SYNPR: variants seen among roughly 807,000 people sequenced by gnomAD.
The protein encoded by SYNPR is synaptoporin.
Under a neutral mutation model 32.9 loss-of-function variants are expected in SYNPR, and 23 were observed. That is an observed-to-expected ratio of 0.70 (90% CI 0.50 to 0.99). The LOEUF (loss-of-function observed/expected upper bound fraction) is 0.99, where lower values mean the gene tolerates loss of function less well. Ranked by LOEUF, SYNPR falls within the 50% of genes least tolerant of loss-of-function variation. The pLI, the probability that SYNPR is intolerant of heterozygous loss-of-function variation, is 0.00. For synonymous variants in SYNPR, 146 were observed against 135.9 expected, an observed-to-expected ratio of 1.07 and a Z score of -0.52; for missense variants, 318 against 349.3, an observed-to-expected ratio of 0.91 and a Z score of 0.71.
intron 2 of SYNPR, among the ~76,000 whole-genome samples, chr3:63,404,247 T>A (rs1192905686): frequency 2.0e-5 from 3 of 152,184 alleles, no homozygotes; most frequent in Non-Finnish European, 4.4e-5. Context: ...AATAGCTGGA[T>A]CCACATCTAG....
chr3:63,292,150 T>G (rs1283465964), intron 2 of SYNPR, among the ~76,000 whole-genome samples: 1 of 152,222 alleles, frequency 6.6e-6, no homozygotes, highest in Non-Finnish European at 1.5e-5. Flanking sequence ...CATCATCATA[T>G]ATGTGGTTGG....
intron 2 of SYNPR, 86 bp from the exon 3 acceptor site, chr3:63,480,746 C>T (rs1701030801): frequency 1.3e-6 from 2 of 1,496,122 alleles, no homozygotes; most frequent in African/African-American, 1.4e-5. Flanking sequence ...TTCCCTCAAT[C>T]CAGACATTAA....
intron 4 of SYNPR, among the ~76,000 whole-genome samples, chr3:63,606,981 G>A (rs1457311801): frequency 6.6e-6 from 1 of 152,082 alleles, no homozygotes; most frequent in Non-Finnish European, 1.5e-5. Context: ...CTCAATAAAT[G>A]TTACATATGA....
At chr3:63,303,487 G>C (rs2086878181) in intron 2 of SYNPR, among the ~76,000 whole-genome samples, 1 of 151,998 alleles carries the variant, frequency 6.6e-6, no homozygotes, top group Non-Finnish European at 1.5e-5. Context: ...TGTGAACCAT[G>C]TGTATGAATA....
At chr3:63,335,352 CAAAAAAAAAA>C (rs35394118) in intron 2 of SYNPR, among the ~76,000 whole-genome samples, 2 of 84,954 alleles carry the variant, frequency 2.4e-5, no homozygotes, top group African/African-American at 9.9e-5. Flanking sequence ...GACTCCGTCT[CAAAAAAAAAA>C]AAAAAAAAAA....
At chr3:63,257,896 A>T (rs986741724) in intron 2 of SYNPR, among the ~76,000 whole-genome samples, 1 of 152,148 alleles carries the variant, frequency 6.6e-6, no homozygotes, top group African/African-American at 2.4e-5. Context: ...AATGGAAAAC[A>T]AAAAAAGGCA....
chr3:63,356,932 G>A (rs1475557459), intron 2 of SYNPR, among the ~76,000 whole-genome samples: 1 of 152,180 alleles, frequency 6.6e-6, no homozygotes, highest in Non-Finnish European at 1.5e-5. Flanking sequence ...AAAATATCCA[G>A]GCTGTAATCT....
At chr3:63,561,069 A>G (rs1702680195) in intron 4 of SYNPR, among the ~76,000 whole-genome samples, 1 of 152,262 alleles carries the variant, frequency 6.6e-6, no homozygotes, top group East Asian at 1.9e-4. Flanking sequence ...TTGCTGTATC[A>G]GGTGAACATA....
intron 2 of SYNPR, among the ~76,000 whole-genome samples, chr3:63,361,698 C>T (rs2087664263): frequency 6.6e-6 from 1 of 151,562 alleles, no homozygotes; most frequent in Non-Finnish European, 1.5e-5. Flanking sequence ...GTGATATGGG[C>T]CGCATAGTAC....
chr3:63,279,134 A>G lies in SYNPR; in HGVS notation c.84+392A>G, dbSNP rs529708560. Among the ~76,000 whole-genome samples, 218 of 152,228 alleles carry G rather than the reference A, an allele frequency of 1.4e-3. 1 individual carries two copies. The Middle Eastern group carries it at 0.034, about 24-fold the overall frequency. On this transcript the variant is annotated intron_variant, in intron 2 of 5. Coordinates refer to ENST00000478300, the MANE Select transcript of SYNPR (RefSeq NM_001130003.2). ...TGAGGGGATGGGTGGAGGGACCCAT[A>G]GTTGAGCGGAGGAGCCGGGAAGACT...
intron 2 of SYNPR, among the ~76,000 whole-genome samples, chr3:63,446,003 G>A (rs2107168025): frequency 6.6e-6 from 1 of 152,290 alleles, no homozygotes; most frequent in South Asian, 2.1e-4. Flanking sequence ...CAGATACAAA[G>A]ATATGAGTGT....
chr3:63,450,964 A>C (rs1173810728), intron 2 of SYNPR, among the ~76,000 whole-genome samples: 2 of 152,176 alleles, frequency 1.3e-5, no homozygotes, highest in African/African-American at 4.8e-5. Context: ...TTCTACCTGC[A>C]TTGCCTCAGA....
At chr3:63,266,760 C>T (rs528469934) in intron 2 of SYNPR, among the ~76,000 whole-genome samples, 5 of 151,326 alleles carry the variant, frequency 3.3e-5, no homozygotes, top group East Asian at 1.9e-4. Context: ...TTGTAGCATC[C>T]GCATGTGTCT....
At chr3:63,537,150 A>T (rs932617876) in intron 3 of SYNPR, among the ~76,000 whole-genome samples, 2 of 149,918 alleles carry the variant, frequency 1.3e-5, no homozygotes, top group Non-Finnish European at 2.9e-5. Flanking sequence ...GCTATTACTT[A>T]AAAAAAAATT....
At chr3:63,273,814 G>C (rs1398238619), upstream of SYNPR, among the ~76,000 whole-genome samples, 1 of 152,130 alleles carries the variant, frequency 6.6e-6, no homozygotes, top group Non-Finnish European at 1.5e-5. Context: ...ACATATTCTT[G>C]CATGTTTTTT....
chr3:63,400,660 G>C (rs1182959712), intron 2 of SYNPR, among the ~76,000 whole-genome samples: 2 of 152,172 alleles, frequency 1.3e-5, no homozygotes, highest in East Asian at 3.9e-4. Flanking sequence ...ATTCATTGAT[G>C]AGTCACCGAA....
intron 2 of SYNPR, among the ~76,000 whole-genome samples, chr3:63,431,997 G>T (rs1179916021): frequency 2.0e-5 from 3 of 152,114 alleles, no homozygotes; most frequent in Non-Finnish European, 4.4e-5. Flanking sequence ...GAGGGCTTCA[G>T]GCTGTGAAGA....
At chr3:63,471,392 G>A (rs959238921) in intron 2 of SYNPR, among the ~76,000 whole-genome samples, 13 of 152,262 alleles carry the variant, frequency 8.5e-5, no homozygotes, top group Admixed American at 2.0e-4. Context: ...GTTTTACAAG[G>A]TTATTCACAA....
At chr3:63,294,344 GT>G (rs1374480294) in intron 2 of SYNPR, among the ~76,000 whole-genome samples, 1 of 152,110 alleles carries the variant, frequency 6.6e-6, no homozygotes, top group Non-Finnish European at 1.5e-5. Context: ...CCAGTTAAAT[GT>G]TTTTACAGTT....
Sources: allele counts gnomAD v4.1 joint callset (sites outside exome capture counted in the v4.1 genomes callset), GRCh38; gene constraint gnomAD v4.1.1; transcripts MANE v1.5; gene names NCBI Gene and HGNC (gene_info 2026-07-23, HGNC 2026-07-21).